Variants in GBE1 observed in about 807,000 individuals in gnomAD.
GBE1 encodes 1,4-alpha-glucan branching enzyme 1.
GBE1 carries 70 observed loss-of-function variants against 88.8 expected under a neutral mutation model. That is an observed-to-expected ratio of 0.79 (90% CI 0.65 to 0.96). GBE1 has a LOEUF of 0.96. GBE1 is among the 40% of genes least tolerant of loss of function. The pLI is 0.00. For missense variants in GBE1, 872 were observed against 871.0 expected, an observed-to-expected ratio of 1.00 and a Z score of -0.01; for synonymous variants, 284 against 300.1, an observed-to-expected ratio of 0.95 and a Z score of 0.56.
intron 1 of GBE1, among the ~76,000 whole-genome samples, chr3:81,741,312 AT>A (rs911131558): frequency 2.6e-5 from 4 of 151,468 alleles, no homozygotes; most frequent in African/African-American, 9.7e-5. Context: ...AAACCATTTG[AT>A]TTTTTTTTAA....
chr3:81,602,170 CTCAT>C (rs915675698), intron 7 of GBE1, among the ~76,000 whole-genome samples: 2 of 152,124 alleles, frequency 1.3e-5, no homozygotes, highest in African/African-American at 4.8e-5. Flanking sequence ...CAATATAACA[CTCAT>C]TCAAAGTTAT....
chr3:81,560,558 G>T (rs1401129895), intron 12 of GBE1, among the ~76,000 whole-genome samples: 1 of 151,810 alleles, frequency 6.6e-6, no homozygotes, highest in Non-Finnish European at 1.5e-5. Context: ...TTCTGAAAAG[G>T]TATGAATTAC....
intron 1 of GBE1, among the ~76,000 whole-genome samples, chr3:81,744,722 A>T (rs2107223997): frequency 6.6e-6 from 1 of 152,320 alleles, no homozygotes; most frequent in Admixed American, 6.5e-5. Context: ...TTCTTACACA[A>T]GCACATTTTC....
chr3:81,732,344 C>T (rs1706200186), intron 1 of GBE1, among the ~76,000 whole-genome samples: 6 of 152,128 alleles, frequency 3.9e-5, no homozygotes, highest in Admixed American at 3.9e-4. Flanking sequence ...CCCAGATTCA[C>T]ATATATTAAA....
rs564219817 is a variant in GBE1, at chr3:81,574,664, C to T, written c.1618+3261G>A. On this transcript the variant is annotated intron_variant, in intron 12 of 15. Coordinates refer to ENST00000429644, the MANE Select transcript of GBE1 (RefSeq NM_000158.4). ...AAGAAAAAGGCAACTGACCAGCTGC[C>T]GAAATTTTCTGGTTGTGCAAACTGA... Among the ~76,000 whole-genome samples the T allele has an allele frequency of 2.9e-4, 44 of 152,128 alleles. No individual in the cohort carries two copies. In the South Asian group the frequency reaches 7.1e-3, roughly 24 times the overall value.
chr3:81,604,788 T>C (rs1035216370), intron 7 of GBE1, among the ~76,000 whole-genome samples: 6 of 152,114 alleles, frequency 3.9e-5, no homozygotes, highest in African/African-American at 9.7e-5. Flanking sequence ...AAGTAAGAAA[T>C]TATTTAACTG....
At chr3:81,736,616 A>G (rs1230645165) in intron 1 of GBE1, among the ~76,000 whole-genome samples, 2 of 152,212 alleles carry the variant, frequency 1.3e-5, no homozygotes, top group Non-Finnish European at 1.5e-5. Context: ...TTTAAACCGG[A>G]AGGAAATGAG....
At chr3:81,632,298 GATCT>G (rs1361298855) in intron 7 of GBE1, among the ~76,000 whole-genome samples, 6 of 152,024 alleles carry the variant, frequency 3.9e-5, no homozygotes, top group Admixed American at 6.6e-5. Flanking sequence ...ATAGTAGAAT[GATCT>G]ATCTATCTGA....
intron 1 of GBE1, among the ~76,000 whole-genome samples, chr3:81,760,845 A>C (rs146652927): frequency 5.7e-4 from 87 of 152,356 alleles, no homozygotes; most frequent in Middle Eastern, 6.8e-3. Context: ...ATCTTCCCCT[A>C]AATGAGGAAT....
At chr3:81,679,023 GC>G (rs2107127036) in intron 2 of GBE1, among the ~76,000 whole-genome samples, 1 of 152,110 alleles carries the variant, frequency 6.6e-6, no homozygotes, top group South Asian at 2.1e-4. Context: ...ATTATGAAAA[GC>G]AAAACAACTA....
At chr3:81,544,686 C>A (rs570440781) in intron 12 of GBE1, among the ~76,000 whole-genome samples, 2 of 152,256 alleles carry the variant, frequency 1.3e-5, no homozygotes, top group Admixed American at 1.3e-4. Flanking sequence ...TTACACAGCC[C>A]CATTCATGTC....
At chr3:81,664,263 C>G (rs1211066742) in intron 3 of GBE1, among the ~76,000 whole-genome samples, 1 of 151,832 alleles carries the variant, frequency 6.6e-6, no homozygotes, top group Non-Finnish European at 1.5e-5. Context: ...TTCAGAAGAA[C>G]ACAACACATC....
intron 1 of GBE1, among the ~76,000 whole-genome samples, chr3:81,740,179 C>G (rs575604889): frequency 5.3e-5 from 8 of 152,234 alleles, no homozygotes; most frequent in African/African-American, 1.9e-4. Context: ...GAGCTATGAT[C>G]TTGCCACTGC....
At chr3:81,556,449 T>A (rs1204747584) in intron 12 of GBE1, among the ~76,000 whole-genome samples, 1 of 152,068 alleles carries the variant, frequency 6.6e-6, no homozygotes. Context: ...AAACTTTATT[T>A]CTTGAAACTT....
intron 15 of GBE1, among the ~76,000 whole-genome samples, chr3:81,490,869 T>G (rs948002988): frequency 6.8e-6 from 1 of 146,948 alleles, no homozygotes; most frequent in Admixed American, 6.8e-5. Flanking sequence ...TTTAATCTTG[T>G]TTTTTTTTTT....
chr3:81,573,807 T>C (rs918052914), intron 12 of GBE1, among the ~76,000 whole-genome samples: 8 of 145,458 alleles, frequency 5.5e-5, no homozygotes, highest in Non-Finnish European at 1.1e-4. Flanking sequence ...GTAGAAATTC[T>C]GTGCACAGGT....
chr3:81,752,647 T>G, intron 1 of GBE1, among the ~76,000 whole-genome samples: 1 of 152,206 alleles, frequency 6.6e-6, no homozygotes, highest in East Asian at 1.9e-4. Context: ...ATTTCCTCTC[T>G]AAATTAAGGA....
At chr3:81,616,339 C>T (rs1184412812) in intron 7 of GBE1, among the ~76,000 whole-genome samples, 3 of 152,118 alleles carry the variant, frequency 2.0e-5, no homozygotes, top group South Asian at 4.1e-4. Flanking sequence ...AACATTTTCA[C>T]ATTTTACGTG....
intron 2 of GBE1, among the ~76,000 whole-genome samples, chr3:81,693,410 C>A (rs1201475345): frequency 6.6e-6 from 1 of 151,478 alleles, no homozygotes; most frequent in African/African-American, 2.4e-5. Context: ...ATTTTTATAC[C>A]AAAAAAATCA....
Sources: gnomAD v4.1 joint callset for allele counts (sites outside exome capture counted in the v4.1 genomes callset) on GRCh38, gnomAD v4.1.1 for gene constraint, MANE v1.5 for transcripts, NCBI Gene and HGNC (gene_info 2026-07-23, HGNC 2026-07-21) for gene names.